The following MUC5B variants were observed in gnomAD, a reference collection of about 807,000 sequenced individuals.
The protein encoded by MUC5B is mucin 5B, oligomeric mucus/gel-forming.
Under a neutral mutation model 376.9 loss-of-function variants are expected in MUC5B, and 116 were observed. The observed-to-expected ratio is 0.31, with a 90% CI of 0.26 to 0.36. MUC5B has a LOEUF of 0.36. Ranked by LOEUF, MUC5B falls within the 10% of genes least tolerant of loss-of-function variation. The pLI is 1.00. For missense variants in MUC5B, 7,165 were observed against 7,769.9 expected (o/e 0.92, Z 2.93); for synonymous variants, 3,517 against 3,390.9 (o/e 1.04, Z -1.29).
At position 1,232,224 on chromosome 11, in the gene MUC5B, C is replaced by A; in HGVS notation, c.1843+64C>A. ...AAGTCCCACCCAGCACCTTCCTGTC[C>A]CCTGGGCCACGGGGACCCCTGGGTG... On this transcript the variant is annotated intron_variant, in intron 15 of 48. Coordinates refer to ENST00000529681, the MANE Select transcript of MUC5B (RefSeq NM_002458.3). The A allele has an allele frequency of 4.0e-6, 6 of 1,496,694 alleles. No individual in the cohort carries two copies. The South Asian group carries it at 8.0e-5, about 20-fold the overall frequency. 92.7% of individuals were successfully genotyped at this position (1,496,694 alleles called of 1,614,324 possible).
Position 1,244,739 on chromosome 11 carries a change from C to T in MUC5B, c.7859C>T (p.Pro2620Leu). Residue 2620 changes from proline to leucine, a missense_variant, in exon 31 of 49, where the codon CCC becomes CTC. By Grantham distance (98) the Pro-to-Leu change is moderately conservative. Transcript: ENST00000529681. ...ACAACCACGGGCTTCACAGCCACCC[C>T]CTCCTCCAGCCCAGGGACGGCACGC... ...TTTTTGFTAT[P>L]SSSPGTARTL... 3 of 1,612,338 alleles carry T rather than the reference C, an allele frequency of 1.9e-6. No individual in the cohort carries two copies. The highest frequency in any genetic ancestry group is 2.5e-6 in the Non-Finnish European group (3 of 1,178,936).
chr11:1,230,388 C>A, intron 11 of MUC5B, 102 bp from the exon 12 acceptor site: 17 of 1,231,130 alleles, frequency 1.4e-5, no homozygotes, highest in Non-Finnish European at 1.8e-5. Flanking sequence ...GACCACCTCC[C>A]CACAGAGCCA....
At position 1,250,406 on chromosome 11, in the gene MUC5B, C is replaced by T. The variant is rs558959373; in HGVS notation, c.13526C>T (p.Ala4509Val). 2.6e-4 allele frequency: 421 copies of T among 1,612,942 alleles called. 6 individuals are homozygous for T. The South Asian group carries it at 4.2e-3, about 16-fold the overall frequency. ...CCAGGGACTGCAACTGCCCTTCCAG[C>T]ACTGAGAAGCACAGCCACCACACCC... ...SSPGTATALP[A>V]LRSTATTPTA... Residue 4509 changes from alanine (A) to valine (V), a missense_variant, in exon 31 of 49, where the codon GCA becomes GTA. Transcript: ENST00000529681.
Position 1,252,511 on chromosome 11 carries a change from T to A in MUC5B, c.15032T>A (p.Ile5011Asn), listed in dbSNP as rs771961501. Residue 5011 changes from isoleucine (I) to asparagine (N), a missense_variant, in exon 32 of 49, where the codon ATC (isoleucine) becomes AAC (asparagine). Physicochemically the swap from Ile to Asn is moderately radical, Grantham distance 149. Coordinates refer to ENST00000529681, the MANE Select transcript of MUC5B (RefSeq NM_002458.3). ...CCTGCCCCTGGCTGTGACAATGCCA[T>A]CCCTCTCCGGCAGGTGGGCCCCGCC... ...PSPAPGCDNAIPLRQVNETWT... is the reference protein window; with the variant it reads ...PSPAPGCDNANPLRQVNETWT... 10 of 1,556,960 alleles carry A rather than the reference T, an allele frequency of 6.4e-6. No individual in the cohort carries two copies. The highest frequency in any genetic ancestry group is 8.7e-6 in the Non-Finnish European group (10 of 1,150,898).
chr11:1,226,122 G>A (rs897506243), intron 2 of MUC5B, 83 bp from the exon 3 acceptor site: 269 of 1,378,344 alleles, frequency 2.0e-4, no homozygotes, highest in Non-Finnish European at 2.5e-4. Context: ...TCTGGTGGCT[G>A]GCGAGGAGGG....
intron 25 of MUC5B, among the ~76,000 whole-genome samples, chr11:1,238,577 C>T (rs1862204280): frequency 1.3e-5 from 2 of 152,290 alleles, no homozygotes; most frequent in East Asian, 1.9e-4. Context: ...CATGTGAAGG[C>T]AGGCAGATGG....
chr11:1,229,222 G>A lies in MUC5B; in HGVS notation c.1029G>A (p.Thr343=), dbSNP rs1178003519. ...MQHQECGSPC[T]DTCSNPQRAQ... is the part of the protein sequence containing the mutation. ...ACCAGGAGTGTGGCTCACCCTGCAC[G>A]GACACCTGCTCCAACCCCCAGCGCG... Residue 343 remains threonine (T), a synonymous_variant, in exon 9 of 49, where the codon ACG becomes ACA. Transcript: ENST00000529681. 5.0e-6 allele frequency: 8 copies of A among 1,599,796 alleles called. No individual in the cohort carries two copies. Among genetic ancestry groups the A allele is most frequent in the African/African-American group, 1.3e-5 (1 of 74,616 alleles).
chr11:1,256,709 G>T lies in MUC5B; in HGVS notation c.16175G>T (p.Cys5392Phe). The change falls in exon 39 of 49, where the codon TGC becomes TTC. Residue 5392 changes from cysteine (C) to phenylalanine (F), a missense_variant. Cys to Phe is a radical substitution (Grantham distance 205). Transcript: ENST00000529681. ...SPQLEGMAEG[C>F]FCPEDQILFN... is the part of the protein sequence containing the mutation. ...CAGCTGGAGGGGATGGCGGAGGGCT[G>T]CTTCTGCCCTGAGGACCAGATCCTC... The T allele has an allele frequency of 1.3e-6, 2 of 1,567,492 alleles. No homozygotes were observed. Among genetic ancestry groups the T allele is most frequent in the Non-Finnish European group, 1.7e-6 (2 of 1,158,286 alleles).
At chr11:1,237,295 C>T in intron 25 of MUC5B, 131 bp downstream of exon 25, 2 of 1,164,270 alleles carry the variant, frequency 1.7e-6, no homozygotes, top group Non-Finnish European at 2.2e-6. Flanking sequence ...GCACACAGTC[C>T]TGGATGTCAG....
At position 1,228,282 on chromosome 11, in the gene MUC5B, C is replaced by A. The variant is rs561271993; in HGVS notation, c.775-282C>A. On this transcript the variant is annotated intron_variant, in intron 7 of 48. Transcript: ENST00000529681. ...CCCAGAGAGGCGGGGCCTCCACCTC[C>A]CCTCCTTGGCTCCGCCTCCTGGGGT... Among the ~76,000 whole-genome samples, 27 of 152,336 alleles carry A rather than the reference C, an allele frequency of 1.8e-4. 1 individual carries two copies. In the East Asian group the frequency reaches 4.3e-3, roughly 24 times the overall value.
At chr11:1,252,675 G>A in intron 32 of MUC5B, 134 bp from the exon 33 acceptor site, 2 of 1,397,686 alleles carry the variant, frequency 1.4e-6, no homozygotes, top group Non-Finnish European at 1.9e-6. Flanking sequence ...CTAGGGGCCA[G>A]GCTAGCATGG....
At position 1,235,227 on chromosome 11, in the gene MUC5B, C is replaced by G. The variant is rs56252247; in HGVS notation, c.2769+4C>G. ...CTGCGAGTACATCTTGGCCCAGGTA[C>G]GCCGCCCCCTCGCCCACTCCTGCAG... On this transcript the variant is annotated splice_donor_region_variant and intron_variant, in intron 22 of 48. Transcript: ENST00000529681. 6.2e-7 allele frequency: 1 copy of G among 1,612,418 alleles called. No homozygotes were observed. Among genetic ancestry groups the G allele is most frequent in the Non-Finnish European group, 8.5e-7 (1 of 1,179,326 alleles).
In MUC5B at chr11:1,252,383, T is replaced by C; in HGVS notation, c.14904T>C (p.His4968=). 6.3e-7 allele frequency: 1 copy of C among 1,596,136 alleles called. No individual in the cohort carries two copies. Among genetic ancestry groups the C allele is most frequent in the East Asian group, 2.2e-5 (1 of 44,528 alleles). ...ATAAGACCGACCGAGCCGGCTGCCATTTCTACGCAGTGTGCAATCAGCACT... is the reference window on the plus strand; with the variant it reads ...ATAAGACCGACCGAGCCGGCTGCCACTTCTACGCAGTGTGCAATCAGCACT... ...IYNKTDRAGC[H]FYAVCNQHCD... The change falls in exon 32 of 49, where the codon CAT becomes CAC. Residue 4968 remains histidine (H), a synonymous_variant. Transcript: ENST00000529681.
In MUC5B at chr11:1,239,540, G is replaced by C; in HGVS notation, c.3557G>C (p.Cys1186Ser). ...ACCTGCCGGAACCCCAGTGGGCACT[G>C]CCTGGTGGACCTGCCTGGCCTGGAA... ...LKTCRNPSGH[C>S]LVDLPGLEGC... The change falls in exon 27 of 49, where the codon TGC (cysteine) becomes TCC (serine). Residue 1186 changes from cysteine (C) to serine (S), a missense_variant. Physicochemically the swap from Cys to Ser is moderately radical, Grantham distance 112. This residue lies in a region of MUC5B where 517 missense variants were observed against 545.3 expected (regional missense o/e 0.95). Transcript: ENST00000529681. 2 of 1,592,660 alleles carry C rather than the reference G, an allele frequency of 1.3e-6. No individual in the cohort carries two copies.
At position 1,246,966 on chromosome 11, in the gene MUC5B, GACC is replaced by G. The variant is rs1564944786; in HGVS notation, c.10098_10100del (p.Thr3368del). ...GGACCACCCACACCGCCACAGTGCT[GACC>G]ACCACCACCACAACTGTGGCCACTG... is the stretch of plus-strand genomic sequence containing the variant. On this transcript the variant is annotated inframe_deletion, in exon 31 of 49. Transcript: ENST00000529681. 1.5e-5 allele frequency: 24 copies of G among 1,593,528 alleles called. No homozygotes were observed. Among genetic ancestry groups the G allele is most frequent in the Admixed American group, 8.9e-5 (5 of 56,316 alleles).
Position 1,232,679 on chromosome 11 carries a change from C to T in MUC5B, c.1974C>T (p.Ser658=), listed in dbSNP as rs373818825. 3.1e-6 allele frequency: 5 copies of T among 1,600,170 alleles called. No individual in the cohort carries two copies. The highest frequency in any genetic ancestry group is 2.2e-5 in the South Asian group (2 of 88,928). ...TTGACACCTGCAACTGTGAGCGGAG[C>T]GAGGACTGCCTGTGCGCCGCGCTGT... ...CMFDTCNCER[S]EDCLCAALSS... is the part of the protein sequence containing the mutation. The change falls in exon 17 of 49, where the codon AGC becomes AGT. Residue 658 remains serine, a synonymous_variant. Transcript: ENST00000529681.
chr11:1,228,620 G>A lies in MUC5B; in HGVS notation c.831G>A (p.Leu277=). ...LGPAFAECHA[L]VDSTAYLAAC... is the part of the protein sequence containing the mutation. ...CGGCCTTTGCGGAGTGCCACGCACT[G>A]GTGGACAGCACTGCGTACCTGGCCG... is the stretch of plus-strand genomic sequence containing the variant. Residue 277 remains leucine (L), a synonymous_variant, in exon 8 of 49, where the codon CTG becomes CTA. Transcript: ENST00000529681. 6.5e-7 allele frequency: 1 copy of A among 1,533,842 alleles called. No homozygotes were observed.
At position 1,234,726 on chromosome 11, in the gene MUC5B, C is replaced by T. The variant is rs1171892859; in HGVS notation, c.2630+46C>T. On this transcript the variant is annotated intron_variant, in intron 21 of 48. Transcript: ENST00000529681. This position sits in a 1 kb window ranked among gnomAD's most constrained non-coding sequence, Gnocchi z 6.3. ...AGGCAGCAGGTGGGGAGGGCGGGGG[C>T]GGGGAGGGCAGCGGGTGGGGAGGCA... 19 of 37,038 alleles carry T rather than the reference C, an allele frequency of 5.1e-4. No individual in the cohort carries two copies. The highest frequency in any genetic ancestry group is 4.7e-3 in the South Asian group (9 of 1,926). 2.3% of individuals were successfully genotyped at this position (37,038 alleles called of 1,614,324 possible). A position where few individuals can be genotyped will look rare whatever the true frequency, so the allele number is the denominator to read the frequency against.
Position 1,239,843 on chromosome 11 carries a change from G to T in MUC5B, c.3628G>T (p.Asp1210Tyr). Residue 1210 changes from aspartate to tyrosine, a missense_variant, in exon 28 of 49, where the codon GAC becomes TAC. By Grantham distance (160) the Asp-to-Tyr change is radical. Around this residue, in one of 31 missense-constraint regions of MUC5B, gnomAD observed 517 missense variants for 545.3 expected, o/e 0.95. Transcript: ENST00000529681. ...ACCCAGCCAGCCCTTCTTCAATGAG[G>T]ACCAGATGAAGTGCGTGGCCCAGTG... ...CPPSQPFFNE[D>Y]QMKCVAQCGC... 1 of 1,613,062 alleles carries T rather than the reference G, an allele frequency of 6.2e-7. No individual in the cohort carries two copies. The highest frequency in any genetic ancestry group is 1.1e-5 in the South Asian group (1 of 90,890).
Sources: allele counts gnomAD v4.1 joint callset (sites outside exome capture counted in the v4.1 genomes callset), GRCh38; gene constraint gnomAD v4.1.1; regional missense constraint gnomAD v4.1.1; non-coding constraint Gnocchi (gnomAD v3.1); transcripts MANE v1.5; gene names NCBI Gene and HGNC (gene_info 2026-07-23, HGNC 2026-07-21).